The following TRPC5 variants were observed in gnomAD, a reference collection of about 807,000 sequenced individuals.
TRPC5 encodes the protein transient receptor potential cation channel subfamily C member 5, also known as short transient receptor potential channel 5.
A neutral mutation model predicts 56.5 loss-of-function variants in TRPC5; 9 were observed. The observed-to-expected ratio is 0.16, with a 90% CI of 0.10 to 0.28. The LOEUF is 0.28. TRPC5 is among the 10% of genes least tolerant of loss of function. The probability of loss-of-function intolerance (pLI) is 1.00; values close to 1 mark genes in which losing one functional copy is unlikely to be tolerated. For missense variants in TRPC5, 469 were observed against 748.9 expected, an observed-to-expected ratio of 0.63 and a Z score of 4.36; for synonymous variants, 282 against 278.5, an observed-to-expected ratio of 1.01 and a Z score of -0.13.
intron 6 of TRPC5, among the ~76,000 whole-genome samples, chrX:111,841,178 A>G (rs1014651931): frequency 4.4e-5 from 5 of 112,541 alleles, no homozygotes; most frequent in Non-Finnish European, 9.4e-5. Context: ...AGAAATCACC[A>G]CTGATTAAGT....
chrX:111,933,018 CTA>C (rs958258816), intron 2 of TRPC5, among the ~76,000 whole-genome samples: 1 of 112,324 alleles, frequency 8.9e-6, no homozygotes, highest in Non-Finnish European at 1.9e-5. Context: ...AGCTCAAAGA[CTA>C]TTTATTTTCT....
At chrX:112,054,040 T>C (rs1930281682) in intron 1 of TRPC5, among the ~76,000 whole-genome samples, 1 of 112,348 alleles carries the variant, frequency 8.9e-6, no homozygotes, top group African/African-American at 3.2e-5. Context: ...TGGGTGGATA[T>C]ATGTATTTAA....
At chrX:112,042,202 G>A (rs995601279) in intron 1 of TRPC5, among the ~76,000 whole-genome samples, 27 of 111,433 alleles carry the variant, frequency 2.4e-4, no homozygotes, top group African/African-American at 8.5e-4. Context: ...CAAGGACTTT[G>A]GTATAAGCCT....
intron 7 of TRPC5, among the ~76,000 whole-genome samples, chrX:111,790,942 C>T (rs1182849879): frequency 1.0e-5 from 1 of 96,559 alleles, no homozygotes; most frequent in African/African-American, 4.0e-5. Context: ...ATTGCTTGAA[C>T]GCAGGAGGCA....
intron 10 of TRPC5, among the ~76,000 whole-genome samples, chrX:111,778,429 C>T (rs1945895412): frequency 9.0e-6 from 1 of 111,282 alleles, no homozygotes; most frequent in Non-Finnish European, 1.9e-5. Flanking sequence ...TTAGTAGCAA[C>T]CTTGTCTTTA....
intron 2 of TRPC5, among the ~76,000 whole-genome samples, chrX:111,920,813 C>G (rs1298654686): frequency 9.0e-6 from 1 of 111,603 alleles, no homozygotes; most frequent in East Asian, 2.8e-4. Context: ...AGCTTGATTC[C>G]TACTCCACTT....
intron 7 of TRPC5, among the ~76,000 whole-genome samples, chrX:111,804,703 G>T (rs1218451259): frequency 8.9e-6 from 1 of 111,843 alleles, no homozygotes; most frequent in Non-Finnish European, 1.9e-5. Flanking sequence ...CATTGATTTT[G>T]TATTCTGAGA....
intron 1 of TRPC5, among the ~76,000 whole-genome samples, chrX:111,975,326 G>GA (rs780077724): frequency 0.013 from 1,185 of 90,306 alleles, 14 homozygotes; most frequent in East Asian, 0.048. Context: ...TCACTAAATA[G>GA]AAAAAAAAAA....
chrX:112,017,360 G>T (rs1230852346), intron 1 of TRPC5, among the ~76,000 whole-genome samples: 1 of 111,064 alleles, frequency 9.0e-6, no homozygotes. Flanking sequence ...TCTGGGGCAG[G>T]TAGAGAAGCC....
intron 1 of TRPC5, among the ~76,000 whole-genome samples, chrX:112,042,780 A>G (rs1294983405): frequency 9.2e-6 from 1 of 108,181 alleles, no homozygotes; most frequent in African/African-American, 3.4e-5. Flanking sequence ...CAAACTCTCT[A>G]CCTTTAAGAC....
intron 10 of TRPC5, among the ~76,000 whole-genome samples, chrX:111,777,518 C>A (rs1325823201): frequency 9.1e-6 from 1 of 110,244 alleles, no homozygotes. Flanking sequence ...CCTTTAAAAG[C>A]CAAGCTGAAA....
chrX:111,846,733 A>T, intron 6 of TRPC5, among the ~76,000 whole-genome samples: 1 of 112,402 alleles, frequency 8.9e-6, no homozygotes, highest in Non-Finnish European at 1.9e-5. Flanking sequence ...CCACTCGTTC[A>T]GAGGAATAGC....
chrX:111,967,970 A>C (rs1297735386), intron 1 of TRPC5, among the ~76,000 whole-genome samples: 1 of 110,684 alleles, frequency 9.0e-6, no homozygotes, highest in Admixed American at 9.6e-5. Context: ...AAAATTGACA[A>C]ATGGGATCTA....
At chrX:112,033,604 T>C (rs1391597285) in intron 1 of TRPC5, among the ~76,000 whole-genome samples, 5 of 111,104 alleles carry the variant, frequency 4.5e-5, no homozygotes, top group African/African-American at 1.6e-4. Context: ...TAAGAATCCT[T>C]TGTGAAATTC....
intron 7 of TRPC5, among the ~76,000 whole-genome samples, chrX:111,824,876 G>A (rs927300791): frequency 1.3e-4 from 15 of 111,635 alleles, no homozygotes; most frequent in East Asian, 2.8e-4. Flanking sequence ...CAGTGTTACC[G>A]CCTTTAATAA....
In TRPC5 at chrX:111,993,698, T is replaced by C. The variant is rs745692832; in HGVS notation, c.-21-41257A>G. Among the ~76,000 whole-genome samples, 4 of 112,692 alleles carry C rather than the reference T, an allele frequency of 3.5e-5. No individual in the cohort carries two copies. In the East Asian group the frequency reaches 1.1e-3, roughly 32 times the overall value. ...TGTGTCTGTTGGCTGCATAGATGTCTTCTTTTGAAAAGTGTCTGTTTGTAT... is the reference window on the plus strand; with the variant it reads ...TGTGTCTGTTGGCTGCATAGATGTCCTCTTTTGAAAAGTGTCTGTTTGTAT... On this transcript the variant is annotated intron_variant, in intron 1 of 10. Coordinates refer to ENST00000262839, the MANE Select transcript of TRPC5 (RefSeq NM_012471.3).
At chrX:111,887,373 C>T (rs1273358639) in intron 3 of TRPC5, among the ~76,000 whole-genome samples, 1 of 112,184 alleles carries the variant, frequency 8.9e-6, no homozygotes, top group Admixed American at 9.4e-5. Flanking sequence ...AAGCTCAGGT[C>T]TTTGATTGAC....
chrX:111,902,204 G>A (rs368704404), intron 3 of TRPC5: 63 of 1,014,526 alleles, frequency 6.2e-5, no homozygotes, highest in African/African-American at 2.7e-4. Flanking sequence ...TTCTGCCCCC[G>A]TCCCCAGGGA....
intron 3 of TRPC5, among the ~76,000 whole-genome samples, chrX:111,858,186 G>C (rs1012537273): frequency 9.0e-6 from 1 of 111,643 alleles, no homozygotes; most frequent in Non-Finnish European, 1.9e-5. Context: ...GCACAATCCT[G>C]ATTCTGCTTG....
Sources: gnomAD v4.1 joint callset for allele counts (sites outside exome capture counted in the v4.1 genomes callset) on GRCh38, gnomAD v4.1.1 for gene constraint, MANE v1.5 for transcripts, NCBI Gene and HGNC (gene_info 2026-07-23, HGNC 2026-07-21) for gene names.